The following SHISA9 variants were observed in gnomAD, a reference collection of about 807,000 sequenced individuals.
The protein encoded by SHISA9 is protein shisa-9.
In SHISA9, 13 loss-of-function variants were observed where a neutral mutation model predicts 38.0. The ratio of observed to expected loss-of-function variants is 0.34; its 90% CI spans 0.22 to 0.54. SHISA9 has a LOEUF of 0.54. SHISA9 is among the 20% of genes least tolerant of loss of function. The probability of loss-of-function intolerance (pLI) is 0.91; values close to 1 mark genes in which losing one functional copy is unlikely to be tolerated. For synonymous variants in SHISA9, 275 were observed against 242.0 expected (o/e 1.14, Z -1.27); for missense variants, 538 against 575.8 (o/e 0.93, Z 0.67).
intron 4 of SHISA9, among the ~76,000 whole-genome samples, chr16:13,227,338 G>A (rs1268902103): frequency 1.3e-5 from 2 of 152,214 alleles, no homozygotes; most frequent in Non-Finnish European, 2.9e-5. Context: ...GTAGGAGAAA[G>A]GGAATAGGTT....
chr16:13,096,275 C>T (rs1382108614), intron 2 of SHISA9, among the ~76,000 whole-genome samples: 2 of 152,218 alleles, frequency 1.3e-5, no homozygotes, highest in African/African-American at 4.8e-5. Context: ...TGAGCATGTA[C>T]TTTGGCAAGG....
intron 2 of SHISA9, among the ~76,000 whole-genome samples, chr16:13,039,081 G>C (rs8053311): frequency 0.6 from 90,662 of 151,846 alleles, 28,109 homozygotes; most frequent in Middle Eastern, 0.74. Context: ...GCTGATTTTT[G>C]TATTTGTAAT....
chr16:12,981,829 C>A (rs1247397658), intron 2 of SHISA9, among the ~76,000 whole-genome samples: 1 of 151,990 alleles, frequency 6.6e-6, no homozygotes, highest in Non-Finnish European at 1.5e-5. Context: ...GAGATTAGGA[C>A]ACAGAAATGC....
intron 3 of SHISA9, among the ~76,000 whole-genome samples, chr16:13,207,706 A>G (rs964260693): frequency 3.3e-5 from 5 of 152,144 alleles, no homozygotes; most frequent in Non-Finnish European, 7.3e-5. Flanking sequence ...GCTTGACTCA[A>G]TGGGTTAGCC....
intron 2 of SHISA9, among the ~76,000 whole-genome samples, chr16:13,033,153 G>A (rs7190439): frequency 0.06 from 9,155 of 152,154 alleles, 547 homozygotes; most frequent in East Asian, 0.18. Flanking sequence ...GGATTAGCCG[G>A]CTCTAACTGC....
intron 4 of SHISA9, among the ~76,000 whole-genome samples, chr16:13,222,164 A>G (rs1332534153): frequency 6.6e-6 from 1 of 152,128 alleles, no homozygotes; most frequent in Non-Finnish European, 1.5e-5. Flanking sequence ...ACCCACCCCC[A>G]TGATTCAGTT....
At chr16:13,003,120 G>C (rs1373560542) in intron 2 of SHISA9, among the ~76,000 whole-genome samples, 1 of 152,174 alleles carries the variant, frequency 6.6e-6, no homozygotes. Context: ...GATTTCAGGA[G>C]AAAGAAGGCC....
intron 2 of SHISA9, among the ~76,000 whole-genome samples, chr16:13,173,269 G>C (rs530456820): frequency 6.6e-6 from 1 of 150,972 alleles, no homozygotes; most frequent in African/African-American, 2.4e-5. Context: ...TAAACACACA[G>C]AAATGCTGAA....
rs530253009 is a variant in SHISA9, at chr16:13,080,788, C to T, written c.692-122606C>T. Among the ~76,000 whole-genome samples the T allele has an allele frequency of 2.0e-4, 31 of 152,318 alleles. No homozygotes were observed. The South Asian group carries it at 6.0e-3, about 30-fold the overall frequency. ...AGGTTGTTACTATGTGTGTTAGTCA[C>T]CACAGACCATAGACGGAGTGGCTTA... On this transcript the variant is annotated intron_variant, in intron 2 of 4. Transcript: ENST00000558583.
Position 13,173,409 on chromosome 16 carries a change from C to CACACAT in SHISA9, c.692-29984_692-29983insCACATA, listed in dbSNP as rs1491407267. Among the ~76,000 whole-genome samples the CACACAT allele has an allele frequency of 2.6e-5, 4 of 151,074 alleles. No homozygotes were observed. In the East Asian group the frequency reaches 7.8e-4, roughly 29 times the overall value. ...ACACACACACACACACACACACACA[C>CACACAT]ATTTTCCTAATTGTAGATTAGATTG... On this transcript the variant is annotated intron_variant, in intron 2 of 4. Coordinates refer to ENST00000558583, the MANE Select transcript of SHISA9 (RefSeq NM_001145204.3).
chr16:13,415,617 T>C, the SHISA9 span, among the ~76,000 whole-genome samples: 2 of 152,104 alleles, frequency 1.3e-5, no homozygotes, highest in African/African-American at 2.4e-5. Flanking sequence ...AAAACCTAAA[T>C]CACATGACAA....
downstream of SHISA9, among the ~76,000 whole-genome samples, chr16:13,245,199 G>A (rs2051462811): frequency 6.6e-6 from 1 of 152,194 alleles, no homozygotes; most frequent in Non-Finnish European, 1.5e-5. Context: ...TTACAGGCAT[G>A]AGCCTCTGCA....
the SHISA9 span, among the ~76,000 whole-genome samples, chr16:13,511,455 T>C: frequency 6.6e-6 from 1 of 152,222 alleles, no homozygotes; most frequent in South Asian, 2.1e-4. Context: ...CAGAGACTGT[T>C]GCTTGAAACC....
the SHISA9 span, among the ~76,000 whole-genome samples, chr16:13,405,770 C>T: frequency 6.6e-6 from 1 of 152,172 alleles, no homozygotes; most frequent in East Asian, 1.9e-4. Flanking sequence ...TAATGGCCTC[C>T]AGCTTCATCC....
In SHISA9 at chr16:13,239,702, T is replaced by G. The variant is rs1418990495; in HGVS notation, c.*4293T>G. On this transcript the variant is annotated 3_prime_UTR_variant, in exon 5 of 5. Transcript: ENST00000558583. ...GGTTGTTTGTTTTTTTCTTGTAAAT[T>G]TGTTTGAGTTCATTGTAGATTCTGG... is the stretch of plus-strand genomic sequence containing the variant. 6.6e-6 allele frequency: 1 copy of G among 152,116 alleles called. No individual in the cohort carries two copies. The highest frequency in any genetic ancestry group is 6.6e-5 in the Admixed American group (1 of 15,266). The allele number at this position is 152,116 out of a possible 1,614,324, so 9.4% of individuals were successfully genotyped here.
At chr16:13,074,773 T>C (rs1433797421) in intron 2 of SHISA9, among the ~76,000 whole-genome samples, 1 of 151,710 alleles carries the variant, frequency 6.6e-6, no homozygotes, top group East Asian at 1.9e-4. Flanking sequence ...CGATAGATTC[T>C]CCTGCCTCAG....
intron 2 of SHISA9, among the ~76,000 whole-genome samples, chr16:13,164,002 C>G (rs374166907): frequency 2.6e-5 from 4 of 151,962 alleles, no homozygotes; most frequent in African/African-American, 9.7e-5. Context: ...CTGGATAGAA[C>G]CTCTAGTAAA....
the SHISA9 span, among the ~76,000 whole-genome samples, chr16:13,385,162 G>C: frequency 6.6e-6 from 1 of 152,174 alleles, no homozygotes; most frequent in African/African-American, 2.4e-5. Context: ...CCAAATGTTA[G>C]CAAGGATGCA....
At chr16:13,344,973 T>A in the SHISA9 span, among the ~76,000 whole-genome samples, 2 of 152,088 alleles carry the variant, frequency 1.3e-5, no homozygotes, top group Admixed American at 6.6e-5. Context: ...CCTGCAACAT[T>A]CCCCATGTAT....
Sources: allele counts gnomAD v4.1 joint callset (sites outside exome capture counted in the v4.1 genomes callset), GRCh38; gene constraint gnomAD v4.1.1; transcripts MANE v1.5; gene names NCBI Gene and HGNC (gene_info 2026-07-23, HGNC 2026-07-21).